Variants in PPP1R1A observed in about 807,000 individuals in gnomAD.
The protein encoded by PPP1R1A is protein phosphatase 1 regulatory subunit 1A.
PPP1R1A carries 18 observed loss-of-function variants against 23.9 expected under a neutral mutation model. The observed-to-expected ratio is 0.75, with a 90% CI of 0.52 to 1.12. PPP1R1A has a LOEUF of 1.12. Among genes scored for constraint, PPP1R1A ranks in the 50% most tolerant of loss-of-function variants. The pLI is 0.00. For synonymous variants in PPP1R1A, 84 were observed against 80.7 expected (o/e 1.04, Z -0.22); for missense variants, 207 against 223.8 (o/e 0.92, Z 0.48).
In PPP1R1A at chr12:54,582,003, T is replaced by G. The variant is rs1565711483; in HGVS notation, c.376A>C (p.Arg126=). 6.2e-7 allele frequency: 1 copy of G among 1,613,428 alleles called. No individual in the cohort carries two copies. Among genetic ancestry groups the G allele is most frequent in the Admixed American group, 1.7e-5 (1 of 59,986 alleles). The change falls in exon 5 of 7, where the codon AGG becomes CGG. Residue 126 remains arginine (R), a synonymous_variant. Coordinates refer to ENST00000257905, the MANE Select transcript of PPP1R1A (RefSeq NM_006741.4). ...TTTGCTGTCCCAGAGGTGCCCAGCCTTGACTCCACTTCTGTGTCTGGGATC... is the reference window on the plus strand; with the variant it reads ...TTTGCTGTCCCAGAGGTGCCCAGCCGTGACTCCACTTCTGTGTCTGGGATC... ...PGIPDTEVES[R]LGTSGTAKKT...
chr12:54,581,167 C>T lies in PPP1R1A; in HGVS notation c.404-117G>A, dbSNP rs181095860. On this transcript the variant is annotated intron_variant, in intron 5 of 6. Transcript: ENST00000257905. The surrounding 1 kb of genome is among the most constrained non-coding windows in gnomAD (Gnocchi z 4.1). The stretch of plus-strand genomic sequence containing the variant: ...GTGGCCCCTGAGAGGGCCCCAGGAC[C>T]AAGTTGGGTGCAATCAGGCAAGACC... 1.4e-6 allele frequency: 1 copy of T among 725,462 alleles called. No homozygotes were observed. The highest frequency in any genetic ancestry group is 2.5e-5 in the East Asian group (1 of 40,384). 44.9% of individuals were successfully genotyped at this position (725,462 alleles called of 1,614,324 possible). A position where few individuals can be genotyped will look rare whatever the true frequency, so the allele number is the denominator to read the frequency against.
intron 6 of PPP1R1A, 46 bp from the exon 7 acceptor site, chr12:54,580,438 G>A: frequency 1.3e-6 from 2 of 1,568,286 alleles, no homozygotes; most frequent in East Asian, 2.2e-5. Context: ...AGAGGCCAGA[G>A]GGTCATTTTG....
At chr12:54,585,328 G>GGTCC (rs1387653079) in intron 1 of PPP1R1A, among the ~76,000 whole-genome samples, 3 of 152,184 alleles carry the variant, frequency 2.0e-5, no homozygotes, top group Non-Finnish European at 4.4e-5. Context: ...CTAGGCTCCA[G>GGTCC]GTCCTAGTCT....
Position 54,582,120 on chromosome 12 carries a change from T to C in PPP1R1A, c.259A>G (p.Met87Val). 2 of 1,613,086 alleles carry C rather than the reference T, an allele frequency of 1.2e-6. No individual in the cohort carries two copies. The highest frequency in any genetic ancestry group is 2.7e-5 in the African/African-American group (2 of 74,964). ...ITPTMKELQMMVEHHLGQQQQ... is the reference protein window; with the variant it reads ...ITPTMKELQMVVEHHLGQQQQ... Reference sequence around the variant, plus strand: ...TGTTGCCCCAGGTGATGTTCAACCATCATCTGGAGCTCTGGGGACACAGAG... The same window carrying C: ...TGTTGCCCCAGGTGATGTTCAACCACCATCTGGAGCTCTGGGGACACAGAG... Residue 87 changes from methionine to valine, a missense_variant, in exon 5 of 7, where the codon ATG becomes GTG. Transcript: ENST00000257905.
chr12:54,582,453 A>T (rs990003926), intron 4 of PPP1R1A, among the ~76,000 whole-genome samples: 1 of 152,088 alleles, frequency 6.6e-6, no homozygotes, highest in Non-Finnish European at 1.5e-5. Context: ...TTCAAGAAAA[A>T]TTTGAGTATC....
rs148452374 is a variant in PPP1R1A, at chr12:54,580,184, G to C, written c.*203C>G. The C allele has an allele frequency of 5.8e-4, 802 of 1,373,886 alleles. 4 individuals carry two copies. In the African/African-American group the frequency reaches 0.011, roughly 18 times the overall value. The allele number at this position is 1,373,886 out of a possible 1,614,324, so 85.1% of individuals were successfully genotyped here. A position where few individuals can be genotyped will look rare whatever the true frequency, so the allele number is the denominator to read the frequency against. On this transcript the variant is annotated 3_prime_UTR_variant, in exon 7 of 7. Transcript: ENST00000257905. ...CCAGAGGCAGCTTGGCAGGAGGGTG[G>C]GGGCTACAGAGAGGGCAGGGCAAGA...
rs1957838499 is a variant in PPP1R1A, at chr12:54,579,946, G to C, written c.*441C>G. The C allele has an allele frequency of 1.0e-6, 1 of 993,524 alleles. No homozygotes were observed. Among genetic ancestry groups the C allele is most frequent in the African/African-American group, 1.7e-5 (1 of 57,530 alleles). The allele number at this position is 993,524 out of a possible 1,614,324, so 61.5% of individuals were successfully genotyped here. On this transcript the variant is annotated 3_prime_UTR_variant, in exon 7 of 7. Transcript: ENST00000257905. ...GACACGGCACAGGCCTTAGAGCGCC[G>C]AGTCTTCCAGCTGCAGGGCAGGCCT...
At chr12:54,586,781 C>T (rs1957916157) in intron 1 of PPP1R1A, among the ~76,000 whole-genome samples, 1 of 152,154 alleles carries the variant, frequency 6.6e-6, no homozygotes, top group Admixed American at 6.5e-5. Flanking sequence ...CCTCCTCCTC[C>T]TCCCTACCCA....
rs1335239332 is a variant in PPP1R1A, at chr12:54,580,930, C to A, written c.510+14G>T. The A allele has an allele frequency of 3.8e-6, 6 of 1,598,858 alleles. No homozygotes were observed. Among genetic ancestry groups the A allele is most frequent in the Non-Finnish European group, 5.1e-6 (6 of 1,166,048 alleles). ...CCTCTCCTATGACCTGGCAGCCCAG[C>A]CCTGGGGTCTTACCGAGTTGGCTCC... On this transcript the variant is annotated intron_variant, in intron 6 of 6. Coordinates refer to ENST00000257905, the MANE Select transcript of PPP1R1A (RefSeq NM_006741.4).
chr12:54,581,001 G>A lies in PPP1R1A; in HGVS notation c.453C>T (p.Pro151=). 1 of 1,613,916 alleles carries A rather than the reference G, an allele frequency of 6.2e-7. No individual in the cohort carries two copies. Among genetic ancestry groups the A allele is most frequent in the Non-Finnish European group, 8.5e-7 (1 of 1,179,858 alleles). ...TATGGGTTGAGGGTTCTTTTGTGCT[G>A]GGTTCCTTACTGCCTCTCTCGTGAG... ...PKTHERGSKE[P]STKEPSTHIP... is the part of the protein sequence containing the mutation. Residue 151 remains proline (P), a synonymous_variant, in exon 6 of 7, where the codon CCC becomes CCT. Transcript: ENST00000257905. This position sits in a 1 kb window ranked among gnomAD's most constrained non-coding sequence, Gnocchi z 4.1.
Position 54,588,605 on chromosome 12 carries a change from C to T in PPP1R1A, c.-117G>A. ...CTCCGGCCCCGGCCCCAGCCCGGCG[C>T]GCTCGGCTCCCGGCTCCCGGCACAG... is the stretch of plus-strand genomic sequence containing the variant. On this transcript the variant is annotated 5_prime_UTR_variant, in exon 1 of 7. Transcript: ENST00000257905. 2.2e-6 allele frequency: 1 copy of T among 456,700 alleles called. No homozygotes were observed. Among genetic ancestry groups the T allele is most frequent in the Non-Finnish European group, 3.2e-6 (1 of 310,188 alleles). 28.3% of individuals were successfully genotyped at this position (456,700 alleles called of 1,614,324 possible).
intron 4 of PPP1R1A, 24 bp downstream of exon 4, chr12:54,582,708 A>C (rs1957867368): frequency 6.2e-7 from 1 of 1,609,596 alleles, no homozygotes; most frequent in African/African-American, 1.3e-5. Context: ...GAGGAGAAAA[A>C]GGGATGGGAG....
intron 1 of PPP1R1A, 46 bp downstream of exon 1, chr12:54,588,359 C>T (rs1264412945): frequency 1.4e-6 from 2 of 1,461,880 alleles, no homozygotes; most frequent in Non-Finnish European, 9.2e-7. Context: ...AGGGGTCCCT[C>T]GTCCTTGGCT....
At chr12:54,584,039 G>A (rs1592183213) in intron 2 of PPP1R1A, among the ~76,000 whole-genome samples, 1 of 152,198 alleles carries the variant, frequency 6.6e-6, no homozygotes, top group Non-Finnish European at 1.5e-5. Context: ...AATTCCTGGG[G>A]GGCTTAGGAG....
At chr12:54,584,399 A>G in intron 1 of PPP1R1A, 79 bp from the exon 2 acceptor site, 1 of 1,336,204 alleles carries the variant, frequency 7.5e-7, no homozygotes, top group Non-Finnish European at 1.0e-6. Flanking sequence ...ACTCAGTAAC[A>G]TAATCCAGGC....
Position 54,588,392 on chromosome 12 carries a change from CCCTGCTCCGCA to C in PPP1R1A, c.84+2_84+12del. On this transcript the variant is annotated splice_donor_variant and splice_donor_5th_base_variant and intron_variant, in intron 1 of 6. Transcript: ENST00000257905. LOFTEE classifies it high-confidence loss of function. ...GCTGGGCGAGTGCCCTGCCGCCCCGCCCTGCTCCGCACCTGCTCCGCCGCCTCGGGGTCAAG... is the reference window on the plus strand; with the variant it reads ...GCTGGGCGAGTGCCCTGCCGCCCCGCCCTGCTCCGCCGCCTCGGGGTCAAG... 3 of 1,494,870 alleles carry C rather than the reference CCCTGCTCCGCA, an allele frequency of 2.0e-6. No individual in the cohort carries two copies. Among genetic ancestry groups the C allele is most frequent in the Non-Finnish European group, 1.8e-6 (2 of 1,117,000 alleles). 92.6% of individuals were successfully genotyped at this position (1,494,870 alleles called of 1,614,324 possible).
chr12:54,588,036 C>T (rs1199652368), intron 1 of PPP1R1A, among the ~76,000 whole-genome samples: 1 of 152,036 alleles, frequency 6.6e-6, no homozygotes, highest in Non-Finnish European at 1.5e-5. Flanking sequence ...GCGCCACCAC[C>T]AAGCTCAGAA....
At chr12:54,585,393 C>T (rs1957899710) in intron 1 of PPP1R1A, among the ~76,000 whole-genome samples, 1 of 152,170 alleles carries the variant, frequency 6.6e-6, no homozygotes, top group South Asian at 2.1e-4. Context: ...CCCCTTTCCC[C>T]CCACTGTTGT....
In PPP1R1A at chr12:54,579,365, T is replaced by G. The variant is rs1014099787; in HGVS notation, c.*1022A>C. The G allele has an allele frequency of 4.6e-5, 45 of 984,466 alleles. No homozygotes were observed. Among genetic ancestry groups the G allele is most frequent in the Non-Finnish European group, 4.5e-5 (37 of 829,286 alleles). The allele number at this position is 984,466 out of a possible 1,614,324, so 61.0% of individuals were successfully genotyped here. ...ATATATATATATATATATTTAGGTATGTATCTGGGCAAGCTGAGGCCCAGG... is the reference window on the plus strand; with the variant it reads ...ATATATATATATATATATTTAGGTAGGTATCTGGGCAAGCTGAGGCCCAGG... On this transcript the variant is annotated 3_prime_UTR_variant, in exon 7 of 7. Transcript: ENST00000257905.
Sources: gnomAD v4.1 joint callset for allele counts (sites outside exome capture counted in the v4.1 genomes callset) on GRCh38, gnomAD v4.1.1 for gene constraint, Gnocchi (gnomAD v3.1) non-coding constraint, MANE v1.5 for transcripts, NCBI Gene and HGNC (gene_info 2026-07-23, HGNC 2026-07-21) for gene names.